Variants in TRIM59 observed in about 807,000 individuals in gnomAD.
The protein encoded by TRIM59 is tripartite motif-containing protein 59.
TRIM59 carries 14 observed loss-of-function variants against 32.2 expected under a neutral mutation model. That is an observed-to-expected ratio of 0.43 (90% CI 0.29 to 0.68). The LOEUF is 0.68. Ranked by LOEUF, TRIM59 falls within the 30% of genes least tolerant of loss-of-function variation. The pLI, the probability that TRIM59 is intolerant of heterozygous loss-of-function variation, is 0.15. For missense variants in TRIM59, 471 were observed against 463.3 expected (o/e 1.02, Z -0.15); for synonymous variants, 163 against 155.1 (o/e 1.05, Z -0.38).
chr3:160,439,141 TATAAC>T lies in TRIM59; in HGVS notation c.38_42del (p.Cys13Ter). The T allele has an allele frequency of 1.3e-6, 2 of 1,514,038 alleles. No homozygotes were observed. Among genetic ancestry groups the T allele is most frequent in the Non-Finnish European group, 1.8e-6 (2 of 1,133,342 alleles). 93.8% of individuals were successfully genotyped at this position (1,514,038 alleles called of 1,614,324 possible). On this transcript the variant is annotated frameshift_variant, in exon 3 of 3. Transcript: ENST00000309784. LOFTEE classifies it high-confidence loss of function. ...AGTACACGAGGATCTTCAAAAATAC[TATAAC>T]ATATGGGACAAGTTAACTCTTCCTC... is the stretch of plus-strand genomic sequence containing the variant.
rs1333224900 is a variant in TRIM59, at chr3:160,437,208, T to G, written c.*764A>C. 1.4e-5 allele frequency: 8 copies of G among 565,546 alleles called. No individual in the cohort carries two copies. Among genetic ancestry groups the G allele is most frequent in the Non-Finnish European group, 1.8e-5 (8 of 446,576 alleles). The allele number at this position is 565,546 out of a possible 1,614,324, so 35.0% of individuals were successfully genotyped here. On this transcript the variant is annotated 3_prime_UTR_variant, in exon 3 of 3. Coordinates refer to ENST00000309784, the MANE Select transcript of TRIM59 (RefSeq NM_173084.3). ...TTCTACAAAAAACAATTTTTTTAATTAGCCAGGCATGGGGGTGTGTGCCTT... is the reference window on the plus strand; with the variant it reads ...TTCTACAAAAAACAATTTTTTTAATGAGCCAGGCATGGGGGTGTGTGCCTT...
chr3:160,445,329 T>C (rs996428649), intron 2 of TRIM59, among the ~76,000 whole-genome samples: 47 of 152,038 alleles, frequency 3.1e-4, no homozygotes, highest in South Asian at 1.5e-3. Flanking sequence ...GGAGGGAGGA[T>C]TGCTTGAGCC....
rs541019018 is a variant in TRIM59, at chr3:160,442,685, C to A, written c.-3-3499G>T. Among the ~76,000 whole-genome samples, 18 of 152,292 alleles carry A rather than the reference C, an allele frequency of 1.2e-4. No homozygotes were observed. The South Asian group carries it at 3.5e-3, about 30-fold the overall frequency. ...ACTTGAAGTTCACAGAAGTCAAAATCTATTCTCAGACTACCCTTTTCTCAC... is the reference window on the plus strand; with the variant it reads ...ACTTGAAGTTCACAGAAGTCAAAATATATTCTCAGACTACCCTTTTCTCAC... On this transcript the variant is annotated intron_variant, in intron 2 of 2. Transcript: ENST00000309784.
chr3:160,447,851 G>C (rs1719613116), intron 2 of TRIM59: 1 of 152,168 alleles, frequency 6.6e-6, no homozygotes, highest in South Asian at 2.1e-4. Context: ...AACTGATAAA[G>C]AAGAAATACA....
At chr3:160,448,586 G>C (rs1006849469) in intron 2 of TRIM59, 140 bp downstream of exon 2, 4 of 409,590 alleles carry the variant, frequency 9.8e-6, no homozygotes, top group Non-Finnish European at 1.3e-5. Flanking sequence ...CCGCTCCTTC[G>C]ATAAAATGGT....
chr3:160,440,103 C>G (rs1206306437), intron 2 of TRIM59, among the ~76,000 whole-genome samples: 1 of 152,144 alleles, frequency 6.6e-6, no homozygotes, highest in African/African-American at 2.4e-5. Context: ...AATTTTTTAG[C>G]TTCTCAAATT....
In TRIM59 at chr3:160,438,749, A is replaced by G. The variant is rs1391199593; in HGVS notation, c.435T>C (p.Pro145=). The G allele has an allele frequency of 3.7e-6, 6 of 1,613,934 alleles. No homozygotes were observed. Among genetic ancestry groups the G allele is most frequent in the Non-Finnish European group, 5.1e-6 (6 of 1,180,008 alleles). The change falls in exon 3 of 3, where the codon CCT becomes CCC. Residue 145 remains proline (P), a synonymous_variant. Transcript: ENST00000309784. ...CAGTCAACTGTTCAAGCAGTTTTTG[A>G]GGAGTGTCCTTTTCTTTCAAATAGG... is the stretch of plus-strand genomic sequence containing the variant. ...QSAYLKEKDT[P]QKLLEQLTDT... is the part of the protein sequence containing the mutation.
Position 160,436,003 on chromosome 3 carries a change from T to C in TRIM59, c.*1969A>G, listed in dbSNP as rs2108512253. The C allele has an allele frequency of 8.0e-7, 1 of 1,243,876 alleles. No homozygotes were observed. The highest frequency in any genetic ancestry group is 1.0e-6 in the Non-Finnish European group (1 of 967,594). 77.1% of individuals were successfully genotyped at this position (1,243,876 alleles called of 1,614,324 possible). A position where few individuals can be genotyped will look rare whatever the true frequency, so the allele number is the denominator to read the frequency against. On this transcript the variant is annotated 3_prime_UTR_variant, in exon 3 of 3. Transcript: ENST00000309784. ...GTGTTTTTGAAACTACAGGGCACTT[T>C]TATGGTGTGACTAGTATTTTAAGTA...
chr3:160,446,322 G>C (rs1459993586), intron 2 of TRIM59, among the ~76,000 whole-genome samples: 1 of 151,738 alleles, frequency 6.6e-6, no homozygotes, highest in Non-Finnish European at 1.5e-5. Flanking sequence ...CAAAACCTGA[G>C]ACAATACAAA....
rs150286135 is a variant in TRIM59 at position 160,436,000 on chromosome 3, CTT to C, written c.*1970_*1971del. 9.9e-3 allele frequency: 12,467 copies of C among 1,253,254 alleles called. 72 individuals are homozygous for C. Among genetic ancestry groups the C allele is most frequent in the Non-Finnish European group, 0.011 (10,958 of 973,086 alleles). The allele number at this position is 1,253,254 out of a possible 1,614,324, so 77.6% of individuals were successfully genotyped here. ...TACGTGTTTTTGAAACTACAGGGCA[CTT>C]TTATGGTGTGACTAGTATTTTAAGT... On this transcript the variant is annotated 3_prime_UTR_variant, in exon 3 of 3. Transcript: ENST00000309784.
rs565343489 is a variant in TRIM59, at chr3:160,449,731, G to A, written c.-88C>T. On this transcript the variant is annotated 5_prime_UTR_variant, in exon 1 of 3. Transcript: ENST00000309784. ...CTTAGACTCACCGCGGGGAGGAAGC[G>A]GACCAGGCAACTCCACAGCACGGAA... 22 of 1,289,970 alleles carry A rather than the reference G, an allele frequency of 1.7e-5. No individual in the cohort carries two copies. The highest frequency in any genetic ancestry group is 2.5e-5 in the South Asian group (2 of 81,030). 79.9% of individuals were successfully genotyped at this position (1,289,970 alleles called of 1,614,324 possible). A position where few individuals can be genotyped will look rare whatever the true frequency, so the allele number is the denominator to read the frequency against.
chr3:160,438,603 T>C lies in TRIM59; in HGVS notation c.581A>G (p.Asp194Gly), dbSNP rs1237118060. 1.2e-6 allele frequency: 2 copies of C among 1,611,758 alleles called. No individual in the cohort carries two copies. The highest frequency in any genetic ancestry group is 1.1e-5 in the South Asian group (1 of 90,458). Residue 194 changes from aspartate to glycine, a missense_variant, in exon 3 of 3, where the codon GAT (aspartate) becomes GGT (glycine). Physicochemically the swap from Asp to Gly is moderately conservative, Grantham distance 94. Coordinates refer to ENST00000309784, the MANE Select transcript of TRIM59 (RefSeq NM_173084.3). The part of the protein sequence containing the change: ...AVLQYFKELN[D>G]TLEQKKKSFL... The stretch of plus-strand genomic sequence containing the variant: ...ACTTTTTTTTTTCTGTTCTAATGTA[T>C]CATTAAGCTCCTTAAAATACTGGAG...
rs931194468 is a variant in TRIM59 at position 160,436,043 on chromosome 3, G to C, written c.*1929C>G. On this transcript the variant is annotated 3_prime_UTR_variant, in exon 3 of 3. Coordinates refer to ENST00000309784, the MANE Select transcript of TRIM59 (RefSeq NM_173084.3). ...TATTTTAAGTAATCAGTGCAACTTA[G>C]TATTTTTATCTCTAGCTGAGTATGT... 1.7e-6 allele frequency: 2 copies of C among 1,177,532 alleles called. No homozygotes were observed. The highest frequency in any genetic ancestry group is 3.6e-5 in the Admixed American group (1 of 27,624). 72.9% of individuals were successfully genotyped at this position (1,177,532 alleles called of 1,614,324 possible).
At chr3:160,449,157 G>A (rs1444947547) in intron 1 of TRIM59, among the ~76,000 whole-genome samples, 4 of 152,156 alleles carry the variant, frequency 2.6e-5, no homozygotes, top group African/African-American at 9.7e-5. Flanking sequence ...TACCTTGCCA[G>A]CTCTAAATTA....
In TRIM59 at chr3:160,437,313, A is replaced by G. The variant is rs1026820212; in HGVS notation, c.*659T>C. Reference sequence around the variant, plus strand: ...AAACTGCAGTGAGTCATGACCAGACAACTACACTCCAGCCTGGGCAACAAG... The same window carrying G: ...AAACTGCAGTGAGTCATGACCAGACGACTACACTCCAGCCTGGGCAACAAG... On this transcript the variant is annotated 3_prime_UTR_variant, in exon 3 of 3. Transcript: ENST00000309784. 1.6e-5 allele frequency: 15 copies of G among 929,548 alleles called. No homozygotes were observed. The African/African-American group carries it at 2.5e-4, about 16-fold the overall frequency. The allele number at this position is 929,548 out of a possible 1,614,324, so 57.6% of individuals were successfully genotyped here.
rs186932550 is a variant in TRIM59, at chr3:160,436,666, C to G, written c.*1306G>C. The G allele has an allele frequency of 4.5e-4, 243 of 542,548 alleles. 1 individual carries two copies. The highest frequency in any genetic ancestry group is 1.4e-3 in the South Asian group (18 of 12,524). 33.6% of individuals were successfully genotyped at this position (542,548 alleles called of 1,614,324 possible). On this transcript the variant is annotated 3_prime_UTR_variant, in exon 3 of 3. Coordinates refer to ENST00000309784, the MANE Select transcript of TRIM59 (RefSeq NM_173084.3). ...ACAGAAAATTAGCTGGGCGTGGTAGCAGATGCCTGTAGTCCCAGCTACTCG... is the reference window on the plus strand; with the variant it reads ...ACAGAAAATTAGCTGGGCGTGGTAGGAGATGCCTGTAGTCCCAGCTACTCG...
chr3:160,446,327 T>C (rs1258373231), intron 2 of TRIM59, among the ~76,000 whole-genome samples: 1 of 151,870 alleles, frequency 6.6e-6, no homozygotes, highest in Non-Finnish European at 1.5e-5. Context: ...CCTGAGACAA[T>C]ACAAACTAAA....
intron 2 of TRIM59, among the ~76,000 whole-genome samples, chr3:160,442,889 G>A (rs1460160440): frequency 6.6e-6 from 1 of 152,168 alleles, no homozygotes; most frequent in Non-Finnish European, 1.5e-5. Flanking sequence ...AGGCCAAGGT[G>A]GGAAGATCAC....
At chr3:160,444,571 G>A (rs1242836159) in intron 2 of TRIM59, among the ~76,000 whole-genome samples, 1 of 152,202 alleles carries the variant, frequency 6.6e-6, no homozygotes, top group African/African-American at 2.4e-5. Flanking sequence ...TGCACATGGA[G>A]ATGAAATCTA....
Sources: gnomAD v4.1 joint callset for allele counts (sites outside exome capture counted in the v4.1 genomes callset) on GRCh38, gnomAD v4.1.1 for gene constraint, MANE v1.5 for transcripts, NCBI Gene and HGNC (gene_info 2026-07-23, HGNC 2026-07-21) for gene names.